The following AGR2 variants were observed in gnomAD, a reference collection of about 807,000 sequenced individuals.
The protein encoded by AGR2 is anterior gradient 2, protein disulphide isomerase family member.
AGR2 carries 27 observed loss-of-function variants against 25.9 expected under a neutral mutation model. The observed-to-expected ratio is 1.04, with a 90% CI of 0.77 to 1.44. AGR2 has a LOEUF of 1.44. AGR2 is among the 40% of genes most tolerant of loss of function. AGR2 has a pLI of 0.00. For synonymous variants in AGR2, 78 were observed against 72.0 expected, an observed-to-expected ratio of 1.08 and a Z score of -0.42; for missense variants, 182 against 200.9, an observed-to-expected ratio of 0.91 and a Z score of 0.57.
At position 16,801,375 on chromosome 7, in the gene AGR2, C is replaced by A. The variant is rs1378970268; in HGVS notation, c.148G>T (p.Asp50Tyr). Reference protein sequence around the residue: ...LPQTLSRGWGDQLIWTQTYEE... With the variant: ...LPQTLSRGWGYQLIWTQTYEE... ...TATGTCTGAGTCCAGATGAGTTGGT[C>A]ACCCCAACCTAGAATGAAATGAATC... Residue 50 changes from aspartate to tyrosine, a missense_variant, in exon 3 of 8, where the codon GAC (aspartate) becomes TAC (tyrosine). Physicochemically the swap from Asp to Tyr is radical, Grantham distance 160 (BLOSUM62 -3). Transcript: ENST00000419304. 5 of 1,613,054 alleles carry A rather than the reference C, an allele frequency of 3.1e-6. No individual in the cohort carries two copies. The highest frequency in any genetic ancestry group is 1.1e-5 in the South Asian group (1 of 90,948).
At chr7:16,803,180 A>C (rs1785179233) in intron 1 of AGR2, 1 of 152,138 alleles carries the variant, frequency 6.6e-6, no homozygotes, top group Non-Finnish European at 1.5e-5. Flanking sequence ...GCCACAGTTG[A>C]TTCCCAGGAA....
intron 7 of AGR2, 77 bp from the exon 8 acceptor site, chr7:16,793,034 C>T: frequency 2.2e-6 from 3 of 1,342,394 alleles, no homozygotes; most frequent in Non-Finnish European, 3.2e-6. Context: ...AACTTGGATG[C>T]TCAATTCATT....
At chr7:16,793,576 T>C (rs1279167000) in intron 7 of AGR2, among the ~76,000 whole-genome samples, 1 of 152,224 alleles carries the variant, frequency 6.6e-6, no homozygotes, top group East Asian at 1.9e-4. Flanking sequence ...AAAAGAAATG[T>C]CTATTAGTAG....
At chr7:16,801,926 G>A (rs1239095931) in intron 1 of AGR2, 123 bp from the exon 2 acceptor site, 3 of 740,096 alleles carry the variant, frequency 4.1e-6, no homozygotes, top group African/African-American at 3.6e-5. Context: ...CTGGACATAC[G>A]AGATTGGCGT....
intron 7 of AGR2, among the ~76,000 whole-genome samples, chr7:16,793,671 T>C (rs574707563): frequency 6.6e-6 from 1 of 152,316 alleles, no homozygotes; most frequent in East Asian, 1.9e-4. Context: ...TTAATCCTCA[T>C]ACAAACACGA....
chr7:16,798,791 A>G (rs1252395765), intron 5 of AGR2, among the ~76,000 whole-genome samples: 1 of 152,228 alleles, frequency 6.6e-6, no homozygotes, highest in Non-Finnish European at 1.5e-5. Flanking sequence ...AGGAGAGTCC[A>G]ATCTAGCACA....
At chr7:16,804,267 T>TACACACAC (rs113991647) in intron 1 of AGR2, among the ~76,000 whole-genome samples, 2,747 of 107,562 alleles carry the variant, frequency 0.026, 106 homozygotes, top group East Asian at 0.18. Context: ...CAGACATAGG[T>TACACACAC]ACACACACAC....
chr7:16,795,133 G>GCAGACACACTCCA, intron 6 of AGR2, 114 bp from the exon 7 acceptor site: 1 of 1,134,928 alleles, frequency 8.8e-7, no homozygotes, highest in Non-Finnish European at 1.3e-6. Context: ...GGAATGGAGT[G>GCAGACACACTCCA]TGTCTGCACT....
At chr7:16,800,701 T>C (rs1300351263) in intron 4 of AGR2, among the ~76,000 whole-genome samples, 1 of 152,116 alleles carries the variant, frequency 6.6e-6, no homozygotes, top group African/African-American at 2.4e-5. Context: ...AGTGGTTGGA[T>C]TTGGGCCCAG....
chr7:16,795,133 G>A lies in AGR2; in HGVS notation c.395-114C>T, dbSNP rs1442842599. ...TTCATGTCCTGTGAGGGAATGGAGT[G>A]TGTCTGCACTCACAGGAGCTCTGAT... On this transcript the variant is annotated intron_variant, in intron 6 of 7. Coordinates refer to ENST00000419304, the MANE Select transcript of AGR2 (RefSeq NM_006408.4). 3.5e-6 allele frequency: 4 copies of A among 1,134,814 alleles called. No individual in the cohort carries two copies. In the African/African-American group the frequency reaches 4.6e-5, roughly 13 times the overall value. 70.3% of individuals were successfully genotyped at this position (1,134,814 alleles called of 1,614,324 possible).
intron 1 of AGR2, among the ~76,000 whole-genome samples, chr7:16,803,956 AG>A (rs1428279964): frequency 6.6e-6 from 1 of 151,766 alleles, no homozygotes; most frequent in East Asian, 2.0e-4. Context: ...ATTGATGGTA[AG>A]GCATTTTTAT....
chr7:16,795,104 T>C (rs1374429356), intron 6 of AGR2, 85 bp from the exon 7 acceptor site: 2 of 1,403,066 alleles, frequency 1.4e-6, no homozygotes, highest in Non-Finnish European at 2.0e-6. Context: ...CTGAAGTTCA[T>C]GTATTCATGT....
At chr7:16,798,632 G>A (rs113679314) in intron 5 of AGR2, among the ~76,000 whole-genome samples, 1 of 152,186 alleles carries the variant, frequency 6.6e-6, no homozygotes, top group East Asian at 1.9e-4. Flanking sequence ...TTATCTTGTA[G>A]ACCAGGAGCC....
rs544271989 is a variant in AGR2 at position 16,801,349 on chromosome 7, A to G, written c.174T>C (p.Tyr58=). 6 of 1,613,848 alleles carry G rather than the reference A, an allele frequency of 3.7e-6. No individual in the cohort carries two copies. Among genetic ancestry groups the G allele is most frequent in the South Asian group, 3.3e-5 (3 of 91,006 alleles). ...TCTTGGATTTATATAGAGCTTCTTC[A>G]TATGTCTGAGTCCAGATGAGTTGGT... ...WGDQLIWTQT[Y]EEALYKSKTS... is the part of the protein sequence containing the mutation. The change falls in exon 3 of 8, where the codon TAT becomes TAC. Residue 58 remains tyrosine, a synonymous_variant. Coordinates refer to ENST00000419304, the MANE Select transcript of AGR2 (RefSeq NM_006408.4).
rs1309108824 is a variant in AGR2 at position 16,801,390 on chromosome 7, T to C, written c.140-7A>G. 3 of 1,611,546 alleles carry C rather than the reference T, an allele frequency of 1.9e-6. No homozygotes were observed. Among genetic ancestry groups the C allele is most frequent in the African/African-American group, 2.7e-5 (2 of 74,846 alleles). On this transcript the variant is annotated splice_polypyrimidine_tract_variant and splice_region_variant and intron_variant, in intron 2 of 7. Transcript: ENST00000419304. ...ATGAGTTGGTCACCCCAACCTAGAA[T>C]GAAATGAATCAGTATATTTGAAGCT...
intron 6 of AGR2, among the ~76,000 whole-genome samples, chr7:16,796,801 T>A (rs572249508): frequency 6.6e-6 from 1 of 152,212 alleles, no homozygotes; most frequent in South Asian, 2.1e-4. Flanking sequence ...CAATGAATAA[T>A]GATGATTGGG....
At chr7:16,800,112 AC>A (rs1562527690) in intron 4 of AGR2, among the ~76,000 whole-genome samples, 1 of 152,240 alleles carries the variant, frequency 6.6e-6, no homozygotes, top group Non-Finnish European at 1.5e-5. Context: ...GGTGCAGTGA[AC>A]AAAAAAAAGC....
rs573770787 is a variant in AGR2 at position 16,797,342 on chromosome 7, T to C, written c.394+289A>G. On this transcript the variant is annotated intron_variant, in intron 6 of 7. Transcript: ENST00000419304. ...AGGCCTCTCGTATTCAGGAAATTTA[T>C]CAATATGTTTAAATAGTGAATAGGG... is the stretch of plus-strand genomic sequence containing the variant. Among the ~76,000 whole-genome samples the C allele has an allele frequency of 5.9e-5, 9 of 152,362 alleles. 1 individual carries two copies. The East Asian group carries it at 1.7e-3, about 29-fold the overall frequency.
At chr7:16,800,952 A>G (rs1162222052) in intron 4 of AGR2, among the ~76,000 whole-genome samples, 199 bp downstream of exon 4, 1 of 152,190 alleles carries the variant, frequency 6.6e-6, no homozygotes, top group African/African-American at 2.4e-5. Flanking sequence ...GAATCCTAAA[A>G]CTAGTTTTTC....
Sources: allele counts gnomAD v4.1 joint callset (sites outside exome capture counted in the v4.1 genomes callset), GRCh38; gene constraint gnomAD v4.1.1; transcripts MANE v1.5; gene names NCBI Gene and HGNC (gene_info 2026-07-23, HGNC 2026-07-21).